The following NELFB variants were observed in gnomAD, a reference collection of about 807,000 sequenced individuals.
The protein encoded by NELFB is negative elongation factor B.
In NELFB, 34 loss-of-function variants were observed where a neutral mutation model predicts 60.2. The observed-to-expected ratio is 0.56, with a 90% confidence interval of 0.43 to 0.75. NELFB has a LOEUF of 0.75. Among genes scored for constraint, NELFB ranks in the 30% least tolerant of loss-of-function variants. NELFB has a pLI of 0.00. For missense variants in NELFB, 770 were observed against 831.6 expected (o/e 0.93, Z 0.91); for synonymous variants, 459 against 382.1 (o/e 1.20, Z -2.35).
At chr9:137,262,985 GTC>G in intron 4 of NELFB, 50 bp from the exon 5 acceptor site, 1 of 1,583,906 alleles carries the variant, frequency 6.3e-7, no homozygotes, top group East Asian at 2.3e-5. Context: ...ACGTCCCTGT[GTC>G]TGGCGGAGCC....
At chr9:137,271,130 CAG>C (rs1347097820) in intron 10 of NELFB, among the ~76,000 whole-genome samples, 1 of 152,266 alleles carries the variant, frequency 6.6e-6, no homozygotes. Context: ...TTGCAGGAAT[CAG>C]GGCATTTGCC....
At chr9:137,268,357 G>A (rs1252043460) in intron 10 of NELFB, among the ~76,000 whole-genome samples, 6 of 152,156 alleles carry the variant, frequency 3.9e-5, no homozygotes, top group African/African-American at 9.7e-5. Flanking sequence ...AGGCTGAGGC[G>A]GGCGGATCAC....
chr9:137,255,905 A>G lies in NELFB; in HGVS notation c.247-2A>G. 1 of 1,613,556 alleles carries G rather than the reference A, an allele frequency of 6.2e-7. No homozygotes were observed. Among genetic ancestry groups the G allele is most frequent in the Non-Finnish European group, 8.5e-7 (1 of 1,179,690 alleles). On this transcript the variant is annotated splice_acceptor_variant, in intron 1 of 12. Coordinates refer to ENST00000343053, the MANE Select transcript of NELFB (RefSeq NM_015456.5). LOFTEE classifies it high-confidence loss of function. ...GTTTGAGGTTTCTCTTGGCTTCCTC[A>G]GACAGAGAATGGTGTGCTGCTGCCA...
Position 137,264,408 on chromosome 9 carries a change from C to T in NELFB, c.1040+51C>T, listed in dbSNP as rs768010506. On this transcript the variant is annotated intron_variant, in intron 6 of 12. Coordinates refer to ENST00000343053, the MANE Select transcript of NELFB (RefSeq NM_015456.5). ...TGCCCCTCAGGGCCCTGCGTGCATC[C>T]GGTCTGCGCTTGCTGTGTTTTGCCG... 57 of 1,356,822 alleles carry T rather than the reference C, an allele frequency of 4.2e-5. No individual in the cohort carries two copies. In the South Asian group the frequency reaches 4.5e-4, roughly 11 times the overall value. 84.0% of individuals were successfully genotyped at this position (1,356,822 alleles called of 1,614,324 possible).
At chr9:137,267,182 GGGGCT>G (rs544060553) in intron 9 of NELFB, 53 bp from the exon 10 acceptor site, 1,184,317 of 1,605,184 alleles carry the variant, frequency 0.74, 439,466 homozygotes, top group Admixed American at 0.8. Context: ...GGGTCGGTGT[GGGGCT>G]GAGGTGGGGC....
Position 137,257,032 on chromosome 9 carries a change from C to G in NELFB, c.719C>G (p.Pro240Arg). 6.2e-7 allele frequency: 1 copy of G among 1,612,434 alleles called. No homozygotes were observed. Among genetic ancestry groups the G allele is most frequent in the Non-Finnish European group, 8.5e-7 (1 of 1,178,960 alleles). ...CTGCACAACTTTTTCAGTCCTTCCCCCAAGACCAGGCGCCAGGGCGAGGTG... is the reference window on the plus strand; with the variant it reads ...CTGCACAACTTTTTCAGTCCTTCCCGCAAGACCAGGCGCCAGGGCGAGGTG... The change falls in exon 4 of 13, where the codon CCC (proline) becomes CGC (arginine). Residue 240 changes from proline (P) to arginine (R), a missense_variant. Physicochemically the swap from Pro to Arg is moderately radical, Grantham distance 103. Transcript: ENST00000343053.
At position 137,256,066 on chromosome 9, in the gene NELFB, G is replaced by GA. The variant is rs769146711; in HGVS notation, c.409dup (p.Arg137LysfsTer46). 3 of 1,612,978 alleles carry GA rather than the reference G, an allele frequency of 1.9e-6. No homozygotes were observed. The highest frequency in any genetic ancestry group is 2.5e-6 in the Non-Finnish European group (3 of 1,179,466). Reference sequence around the variant, plus strand: ...CATCGCTTCGGAGGGGAAGGCTGAGGAAAGGTGGGTCAGCGGGAGGGGTGG... The same window carrying GA: ...CATCGCTTCGGAGGGGAAGGCTGAGGAAAAGGTGGGTCAGCGGGAGGGGTGG... On this transcript the variant is annotated frameshift_variant, in exon 2 of 13. Transcript: ENST00000343053. LOFTEE classifies it high-confidence loss of function.
intron 4 of NELFB, among the ~76,000 whole-genome samples, chr9:137,261,455 C>T (rs1202162724): frequency 6.6e-6 from 1 of 151,220 alleles, no homozygotes; most frequent in Non-Finnish European, 1.5e-5. Flanking sequence ...CTCAGAAGTT[C>T]AAGACCAGCC....
chr9:137,256,974 G>A lies in NELFB; in HGVS notation c.661G>A (p.Glu221Lys), dbSNP rs778233979. The change falls in exon 4 of 13, where the codon GAG becomes AAG. Residue 221 changes from glutamate (E) to lysine (K), a missense_variant. Transcript: ENST00000343053. ...CCTGAAGCAGTACATCCTGGAGAAGGAGAGCGCTCTCTTCAGTACAGAGCT... is the reference window on the plus strand; with the variant it reads ...CCTGAAGCAGTACATCCTGGAGAAGAAGAGCGCTCTCTTCAGTACAGAGCT... 6.2e-7 allele frequency: 1 copy of A among 1,614,130 alleles called. No homozygotes were observed. The highest frequency in any genetic ancestry group is 8.5e-7 in the Non-Finnish European group (1 of 1,180,046).
At position 137,255,509 on chromosome 9, in the gene NELFB, C is replaced by A; in HGVS notation, c.144C>A (p.Ala48=). The stretch of plus-strand genomic sequence containing the variant: ...GCCGGGCGGTGGCCGGGGCCTCGGC[C>A]ATGTTCGCGGGGCTGCAGGACCTGG... Residue 48 remains alanine, a synonymous_variant, in exon 1 of 13, where the codon GCC becomes GCA. Transcript: ENST00000343053. The A allele has an allele frequency of 6.5e-7, 1 of 1,535,346 alleles. No homozygotes were observed. The highest frequency in any genetic ancestry group is 8.8e-7 in the Non-Finnish European group (1 of 1,142,048).
rs1437526125 is a variant in NELFB at position 137,267,493 on chromosome 9, T to C, written c.1489+147T>C. ...ACTTTGCTAGCTTTGTTTTCACCTT[T>C]TTTTTTTTTTTTTTTTTGAGATGGA... On this transcript the variant is annotated intron_variant, in intron 10 of 12. Transcript: ENST00000343053. 1,620 of 367,308 alleles carry C rather than the reference T, an allele frequency of 4.4e-3. 1 individual carries two copies. Among genetic ancestry groups the C allele is most frequent in the East Asian group, 0.032 (582 of 18,256 alleles). 22.8% of individuals were successfully genotyped at this position (367,308 alleles called of 1,614,324 possible).
chr9:137,260,113 A>ACG (rs1830414464), intron 4 of NELFB, among the ~76,000 whole-genome samples: 1 of 121,872 alleles, frequency 8.2e-6, no homozygotes, highest in Admixed American at 8.3e-5. Flanking sequence ...GCAGTGGTGC[A>ACG]ATCTCGGCTC....
At position 137,266,349 on chromosome 9, in the gene NELFB, C is replaced by T. The variant is rs1181243590; in HGVS notation, c.1162C>T (p.Leu388=). 6.2e-7 allele frequency: 1 copy of T among 1,612,924 alleles called. No individual in the cohort carries two copies. The highest frequency in any genetic ancestry group is 8.5e-7 in the Non-Finnish European group (1 of 1,179,978). The stretch of plus-strand genomic sequence containing the variant: ...CCTACAGGACAGCCCCGACCTCCTG[C>T]TGCTGCTCCGGCTGCTGGCGCTGGG... The change falls in exon 8 of 13, where the codon CTG becomes TTG. Residue 388 remains leucine (L), a synonymous_variant. Transcript: ENST00000343053.
rs781287935 is a variant in NELFB at position 137,263,133 on chromosome 9, G to A, written c.838G>A (p.Val280Met). 10 of 1,614,006 alleles carry A rather than the reference G, an allele frequency of 6.2e-6. No homozygotes were observed. Among genetic ancestry groups the A allele is most frequent in the East Asian group, 4.5e-5 (2 of 44,896 alleles). The change falls in exon 5 of 13, where the codon GTG becomes ATG. Residue 280 changes from valine (V) to methionine (M), a missense_variant. Coordinates refer to ENST00000343053, the MANE Select transcript of NELFB (RefSeq NM_015456.5). ...CACGCTCTTCCTGCGCACGCGGAATGTGCACTACTGCACGCTGCGGGCTGA... is the reference window on the plus strand; with the variant it reads ...CACGCTCTTCCTGCGCACGCGGAATATGCACTACTGCACGCTGCGGGCTGA...
intron 5 of NELFB, 58 bp downstream of exon 5, chr9:137,263,280 C>G: frequency 6.7e-7 from 1 of 1,486,898 alleles, no homozygotes; most frequent in Non-Finnish European, 9.1e-7. Context: ...TGCCCTCCCT[C>G]CCTCCTTCCC....
chr9:137,258,773 G>C (rs1837598129), intron 4 of NELFB, among the ~76,000 whole-genome samples: 2 of 151,884 alleles, frequency 1.3e-5, no homozygotes, highest in African/African-American at 4.8e-5. Context: ...CTTTAAACTA[G>C]CACTGTTCAG....
intron 4 of NELFB, among the ~76,000 whole-genome samples, chr9:137,258,892 C>T (rs925458880): frequency 2.0e-5 from 3 of 152,172 alleles, no homozygotes; most frequent in Non-Finnish European, 2.9e-5. Flanking sequence ...AAAATATTAT[C>T]TTTCAGCATG....
rs550503899 is a variant in NELFB at position 137,272,221 on chromosome 9, A to C, written c.1630A>C (p.Arg544=). Residue 544 remains arginine, a splice_region_variant and synonymous_variant, in exon 11 of 13, where the codon AGG becomes CGG. Coordinates refer to ENST00000343053, the MANE Select transcript of NELFB (RefSeq NM_015456.5). ...TGGCTTCTTCCTCACCGCCTCTCCA[A>C]GGTAGGCCTGCTGGGTACCATCCGG... 7 of 1,614,044 alleles carry C rather than the reference A, an allele frequency of 4.3e-6. No homozygotes were observed. The South Asian group carries it at 6.6e-5, about 15-fold the overall frequency.
At chr9:137,262,761 T>A (rs932504585) in intron 4 of NELFB, among the ~76,000 whole-genome samples, 2 of 151,970 alleles carry the variant, frequency 1.3e-5, no homozygotes, top group Non-Finnish European at 2.9e-5. Flanking sequence ...AGCCAGGAGG[T>A]CAAGGCTGCA....
Sources: gnomAD v4.1 joint callset for allele counts (sites outside exome capture counted in the v4.1 genomes callset) on GRCh38, gnomAD v4.1.1 for gene constraint, MANE v1.5 for transcripts, NCBI Gene and HGNC (gene_info 2026-07-23, HGNC 2026-07-21) for gene names.